The following THSD7A variants were observed in gnomAD, a reference collection of about 807,000 sequenced individuals.
THSD7A encodes thrombospondin type-1 domain-containing protein 7A.
Under a neutral mutation model 231.3 loss-of-function variants are expected in THSD7A, and 96 were observed. The observed-to-expected ratio is 0.41, with a 90% CI of 0.35 to 0.49. The LOEUF (loss-of-function observed/expected upper bound fraction) is 0.49, where lower values mean the gene tolerates loss of function less well. THSD7A is among the 20% of genes least tolerant of loss of function. The pLI, the probability that THSD7A is intolerant of heterozygous loss-of-function variation, is 0.05. For missense variants in THSD7A, 2,290 were observed against 2,070.2 expected (o/e 1.11, Z -2.06); for synonymous variants, 940 against 743.3 (o/e 1.26, Z -4.30).
rs1195483083 is a variant in THSD7A, at chr7:11,542,985, C to T, written c.1586G>A (p.Cys529Tyr). 2 of 1,613,624 alleles carry T rather than the reference C, an allele frequency of 1.2e-6. No individual in the cohort carries two copies. Among genetic ancestry groups the T allele is most frequent in the Non-Finnish European group, 1.7e-6 (2 of 1,179,756 alleles). Residue 529 changes from cysteine (C) to tyrosine (Y), a missense_variant, in exon 5 of 28, where the codon TGT becomes TAT. Physicochemically the swap from Cys to Tyr is radical, Grantham distance 194. Transcript: ENST00000423059. ...SAWGPCTYEN[C>Y]NDQQGKKGFK... Reference sequence around the variant, plus strand: ...ACCTTTTTTCCCTTGCTGATCATTACAGTTTTCATAAGTACAAGGTCCCCA... The same window carrying T: ...ACCTTTTTTCCCTTGCTGATCATTATAGTTTTCATAAGTACAAGGTCCCCA...
intron 4 of THSD7A, among the ~76,000 whole-genome samples, chr7:11,551,298 C>T (rs2214591): frequency 0.24 from 36,829 of 151,824 alleles, 5,405 homozygotes; most frequent in African/African-American, 0.42. Flanking sequence ...GATTTCATGA[C>T]GAAGACCCCA....
At chr7:11,512,679 C>A (rs1277154484) in intron 6 of THSD7A, among the ~76,000 whole-genome samples, 4 of 147,994 alleles carry the variant, frequency 2.7e-5, no homozygotes, top group African/African-American at 7.6e-5. Flanking sequence ...TTCACAAGGA[C>A]AGAAAACCAA....
intron 4 of THSD7A, among the ~76,000 whole-genome samples, chr7:11,561,330 A>G (rs536137096): frequency 6.6e-6 from 1 of 152,312 alleles, no homozygotes; most frequent in South Asian, 2.1e-4. Flanking sequence ...CAAGATAATC[A>G]CATATCAAAC....
intron 1 of THSD7A, among the ~76,000 whole-genome samples, chr7:11,694,294 A>T (rs1780322112): frequency 6.6e-6 from 1 of 151,552 alleles, no homozygotes; most frequent in Non-Finnish European, 1.5e-5. Context: ...AAAGTAGCCC[A>T]ACTGTATGTT....
intron 1 of THSD7A, among the ~76,000 whole-genome samples, chr7:11,744,786 G>T (rs2128162301): frequency 6.6e-6 from 1 of 151,986 alleles, no homozygotes; most frequent in African/African-American, 2.4e-5. Flanking sequence ...CTTTTTTATG[G>T]CTGCATAGTA....
intron 6 of THSD7A, among the ~76,000 whole-genome samples, chr7:11,513,037 T>G (rs1301218994): frequency 6.7e-6 from 1 of 149,964 alleles, no homozygotes; most frequent in African/African-American, 2.5e-5. Context: ...AGACTATTAT[T>G]CTGAGTGAAG....
chr7:11,597,026 A>C (rs772684729), intron 2 of THSD7A, among the ~76,000 whole-genome samples: 68 of 152,348 alleles, frequency 4.5e-4, no homozygotes, highest in Non-Finnish European at 2.6e-4. Flanking sequence ...ATTGCTTTTC[A>C]CTTCCACAAA....
intron 1 of THSD7A, among the ~76,000 whole-genome samples, chr7:11,704,988 T>C (rs1780718529): frequency 6.6e-6 from 1 of 151,164 alleles, no homozygotes; most frequent in Non-Finnish European, 1.5e-5. Context: ...TTTGAAATGA[T>C]AATCATCAGT....
At chr7:11,391,475 G>A (rs926646160) in intron 23 of THSD7A, among the ~76,000 whole-genome samples, 1 of 152,184 alleles carries the variant, frequency 6.6e-6, no homozygotes, top group Non-Finnish European at 1.5e-5. Context: ...GTCAACCTCA[G>A]ACTGCTGTGC....
At chr7:11,396,602 G>C (rs944845117) in intron 23 of THSD7A, among the ~76,000 whole-genome samples, 1 of 152,118 alleles carries the variant, frequency 6.6e-6, no homozygotes, top group South Asian at 2.1e-4. Context: ...TCCCTGAAGA[G>C]ACCAATAACA....
chr7:11,777,676 T>C (rs1366766645), intron 1 of THSD7A, among the ~76,000 whole-genome samples: 6 of 152,144 alleles, frequency 3.9e-5, no homozygotes, highest in Non-Finnish European at 8.8e-5. Flanking sequence ...CCCTATGACT[T>C]ATAGCAATGG....
chr7:11,519,415 T>C (rs1788169944), intron 6 of THSD7A, among the ~76,000 whole-genome samples: 1 of 150,236 alleles, frequency 6.7e-6, no homozygotes, highest in Non-Finnish European at 1.5e-5. Flanking sequence ...TACACACACA[T>C]TTCTCTTCGT....
At chr7:11,398,947 C>T (rs534379562) in intron 23 of THSD7A, among the ~76,000 whole-genome samples, 2 of 152,306 alleles carry the variant, frequency 1.3e-5, no homozygotes, top group South Asian at 4.2e-4. Flanking sequence ...TAGATAACTT[C>T]CTCACATCCC....
At chr7:11,804,528 A>G (rs1226908876) in intron 1 of THSD7A, among the ~76,000 whole-genome samples, 1 of 152,170 alleles carries the variant, frequency 6.6e-6, no homozygotes, top group Non-Finnish European at 1.5e-5. Context: ...AGTTGCTTGA[A>G]ATGTTTTTGG....
chr7:11,615,014 C>A (rs370349495), intron 2 of THSD7A, among the ~76,000 whole-genome samples: 1 of 152,184 alleles, frequency 6.6e-6, no homozygotes, highest in African/African-American at 2.4e-5. Context: ...AAGGAGGGAA[C>A]TGATTATGGC....
At chr7:11,819,409 A>G (rs1449055589) in intron 1 of THSD7A, among the ~76,000 whole-genome samples, 2 of 152,236 alleles carry the variant, frequency 1.3e-5, no homozygotes, top group Non-Finnish European at 2.9e-5. Context: ...CTTGGAAGCA[A>G]CCAAGATGCC....
intron 23 of THSD7A, chr7:11,384,053 A>G (rs1471684128): frequency 6.6e-6 from 1 of 151,998 alleles, no homozygotes; most frequent in African/African-American, 2.4e-5. Context: ...TCGTCATTAA[A>G]GTTATTTTCC....
intron 20 of THSD7A, 104 bp from the exon 21 acceptor site, chr7:11,407,159 A>G: frequency 1.3e-6 from 2 of 1,499,842 alleles, no homozygotes; most frequent in Non-Finnish European, 1.8e-6. Flanking sequence ...GAGGCAATCC[A>G]GGAACAAGTA....
At chr7:11,439,278 GGCTTT>G (rs1364139210) in intron 13 of THSD7A, among the ~76,000 whole-genome samples, 1 of 151,796 alleles carries the variant, frequency 6.6e-6, no homozygotes, top group Non-Finnish European at 1.5e-5. Context: ...TATTTTATTG[GGCTTT>G]GCTTTATTTT....
Sources: gnomAD v4.1 joint callset for allele counts (sites outside exome capture counted in the v4.1 genomes callset) on GRCh38, gnomAD v4.1.1 for gene constraint, MANE v1.5 for transcripts, NCBI Gene and HGNC (gene_info 2026-07-23, HGNC 2026-07-21) for gene names.